Variants in TPO observed in about 807,000 individuals in gnomAD.
TPO encodes thyroid peroxidase.
Under a neutral mutation model 96.9 loss-of-function variants are expected in TPO, and 78 were observed. That is an observed-to-expected ratio of 0.81 (90% confidence interval 0.67 to 0.97). The LOEUF (loss-of-function observed/expected upper bound fraction) is 0.97. Ranked by LOEUF, TPO falls within the 50% of genes least tolerant of loss-of-function variation. The probability of loss-of-function intolerance (pLI) is 0.00; values close to 1 mark genes in which losing one functional copy is unlikely to be tolerated. For missense variants in TPO, 1,252 were observed against 1,274.8 expected (o/e 0.98, Z 0.27); for synonymous variants, 547 against 538.0 (o/e 1.02, Z -0.23).
chr2:1,530,372 C>T (rs1677815736), intron 15 of TPO, among the ~76,000 whole-genome samples: 1 of 147,402 alleles, frequency 6.8e-6, no homozygotes, highest in South Asian at 2.2e-4. Flanking sequence ...CCCCAAATAT[C>T]CCCAGTGTGT....
rs941865383 is a variant in TPO, at chr2:1,477,253, G to T, written c.987G>T (p.Val329=). Residue 329 remains valine, a synonymous_variant, in exon 8 of 17, where the codon GTG becomes GTT. Transcript: ENST00000329066. Reference sequence around the variant, plus strand: ...CCTCGTTCCTGGACGCGTCCACCGTGTATGGCAGCTCCCCGGCCCTAGAGA... The same window carrying T: ...CCTCGTTCCTGGACGCGTCCACCGTTTATGGCAGCTCCCCGGCCCTAGAGA... ...GLTSFLDAST[V]YGSSPALERQ... 2 of 1,607,272 alleles carry T rather than the reference G, an allele frequency of 1.2e-6. No individual in the cohort carries two copies. Among genetic ancestry groups the T allele is most frequent in the Non-Finnish European group, 1.7e-6 (2 of 1,177,976 alleles).
At chr2:1,388,765 A>C (rs1197384425) in intron 1 of TPO, among the ~76,000 whole-genome samples, 2 of 152,134 alleles carry the variant, frequency 1.3e-5, no homozygotes, top group Admixed American at 1.3e-4. Flanking sequence ...CTGGTACCTC[A>C]GTTGGAAATG....
intron 1 of TPO, among the ~76,000 whole-genome samples, chr2:1,402,065 G>A (rs536359809): frequency 6.6e-6 from 1 of 152,318 alleles, no homozygotes; most frequent in African/African-American, 2.4e-5. Flanking sequence ...AGAGAATGTT[G>A]CACAGACTTC....
chr2:1,539,692 AGTATT>A (rs1384340512), intron 15 of TPO, among the ~76,000 whole-genome samples: 1 of 152,076 alleles, frequency 6.6e-6, no homozygotes, highest in Non-Finnish European at 1.5e-5. Context: ...TAGGTATTAC[AGTATT>A]GTCTAACGTT....
intron 14 of TPO, among the ~76,000 whole-genome samples, chr2:1,510,371 A>G (rs2125043717): frequency 1.3e-5 from 2 of 152,302 alleles, no homozygotes; most frequent in African/African-American, 4.8e-5. Context: ...ACAGCCCAGA[A>G]GCACTTGCTG....
At chr2:1,447,647 T>C (rs1174859722) in intron 5 of TPO, among the ~76,000 whole-genome samples, 1 of 152,188 alleles carries the variant, frequency 6.6e-6, no homozygotes, top group Non-Finnish European at 1.5e-5. Flanking sequence ...TATAGAGGCA[T>C]GTATATATAG....
chr2:1,516,336 G>A (rs566562521), intron 14 of TPO, among the ~76,000 whole-genome samples: 2 of 152,142 alleles, frequency 1.3e-5, no homozygotes, highest in Admixed American at 6.5e-5. Context: ...CTGCCATCCC[G>A]TGCCCCCGTC....
intron 1 of TPO, among the ~76,000 whole-genome samples, chr2:1,403,165 T>G (rs966666273): frequency 8.5e-5 from 13 of 152,230 alleles, no homozygotes; most frequent in Admixed American, 2.0e-4. Context: ...TACCTTTACT[T>G]TGTGTTTCTC....
chr2:1,433,450 A>C lies in TPO; in HGVS notation c.192A>C (p.Lys64Asn). The change falls in exon 4 of 17, where the codon AAA (lysine) becomes AAC (asparagine). Residue 64 changes from lysine to asparagine, a missense_variant. Coordinates refer to ENST00000329066, the MANE Select transcript of TPO (RefSeq NM_001206744.2). ...TTATGTGCCATAGAAACCTCAAGAA[A>C]AGAGGAATCCTTTCTCCAGCTCAGC... Reference protein sequence around the residue: ...MYATMQRNLKKRGILSPAQLL... With the variant: ...MYATMQRNLKNRGILSPAQLL... The C allele has an allele frequency of 6.2e-7, 1 of 1,614,270 alleles. No individual in the cohort carries two copies. Among genetic ancestry groups the C allele is most frequent in the Non-Finnish European group, 8.5e-7 (1 of 1,180,052 alleles).
intron 8 of TPO, among the ~76,000 whole-genome samples, chr2:1,481,679 G>C (rs1286835437): frequency 1.3e-5 from 2 of 152,354 alleles, no homozygotes; most frequent in African/African-American, 2.4e-5. Context: ...CTCTTCCAGA[G>C]CAAAGGAGCA....
At chr2:1,484,910 A>AT (rs1227929517) in intron 9 of TPO, 56 bp downstream of exon 9, 2 of 1,599,352 alleles carry the variant, frequency 1.3e-6, no homozygotes, top group African/African-American at 1.4e-5. Flanking sequence ...TCTTTTTTTA[A>AT]TTTTTTTAAA....
chr2:1,453,974 T>C, intron 6 of TPO, 151 bp downstream of exon 6: 1 of 1,285,240 alleles, frequency 7.8e-7, no homozygotes, highest in Non-Finnish European at 1.1e-6. Context: ...TAGCAATCAC[T>C]GTTTCTGCCC....
intron 5 of TPO, among the ~76,000 whole-genome samples, chr2:1,451,403 A>G (rs1965406): frequency 0.55 from 82,945 of 152,108 alleles, 22,849 homozygotes; most frequent in East Asian, 0.77. Context: ...ATTTTTAAAT[A>G]TTTATATTCC....
upstream of TPO, among the ~76,000 whole-genome samples, chr2:1,409,668 G>C (rs1452078430): frequency 6.6e-6 from 1 of 152,064 alleles, no homozygotes; most frequent in Non-Finnish European, 1.5e-5. Context: ...TCCTCTTCCA[G>C]GATCCAGTCC....
chr2:1,392,273 T>A (rs1418507522), intron 1 of TPO, among the ~76,000 whole-genome samples: 1 of 152,248 alleles, frequency 6.6e-6, no homozygotes, highest in Non-Finnish European at 1.5e-5. Flanking sequence ...CTGTGGTTTT[T>A]GTCATTGGTT....
intron 5 of TPO, among the ~76,000 whole-genome samples, chr2:1,442,880 C>G (rs933358910): frequency 6.6e-6 from 1 of 152,124 alleles, no homozygotes; most frequent in Non-Finnish European, 1.5e-5. Context: ...ACCTTTGAAG[C>G]CCCTTTCTTC....
chr2:1,432,545 AGAGGCCTGCAGGTGGGGT>A (rs1476999806), intron 3 of TPO, among the ~76,000 whole-genome samples: 10 of 78,166 alleles, frequency 1.3e-4, no homozygotes, highest in Non-Finnish European at 1.3e-4. Flanking sequence ...GCAGGTGAGG[AGAGGCCTGCAGGTGGGGT>A]GAGGCCTGCA....
At chr2:1,386,479 C>G (rs1269484587) in intron 1 of TPO, among the ~76,000 whole-genome samples, 1 of 151,982 alleles carries the variant, frequency 6.6e-6, no homozygotes, top group Non-Finnish European at 1.5e-5. Context: ...CCTTCTTTGT[C>G]TCTTTTGATC....
chr2:1,532,556 T>C (rs1236185130), intron 15 of TPO, among the ~76,000 whole-genome samples: 9 of 81,768 alleles, frequency 1.1e-4, no homozygotes, highest in African/African-American at 2.0e-4. Context: ...AGCAACCTCC[T>C]CAAATCCCCC....
Sources: gnomAD v4.1 joint callset for allele counts (sites outside exome capture counted in the v4.1 genomes callset) on GRCh38, gnomAD v4.1.1 for gene constraint, MANE v1.5 for transcripts, NCBI Gene and HGNC (gene_info 2026-07-23, HGNC 2026-07-21) for gene names.